Variants in CACNA2D1 observed in about 807,000 individuals in gnomAD.
CACNA2D1 encodes voltage-dependent calcium channel subunit alpha-2/delta-1.
Under a neutral mutation model 171.5 loss-of-function variants are expected in CACNA2D1, and 53 were observed. That is an observed-to-expected ratio of 0.31 (90% CI 0.25 to 0.39). The LOEUF (loss-of-function observed/expected upper bound fraction) is 0.39, where lower values mean the gene tolerates loss of function less well. Ranked by LOEUF, CACNA2D1 falls within the 10% of genes least tolerant of loss-of-function variation. The pLI is 1.00. For missense variants in CACNA2D1, 903 were observed against 1,299.8 expected, an observed-to-expected ratio of 0.69 and a Z score of 4.69; for synonymous variants, 442 against 443.1, an observed-to-expected ratio of 1.00 and a Z score of 0.03.
At chr7:82,111,313 T>TAC (rs1554409505) in intron 6 of CACNA2D1, among the ~76,000 whole-genome samples, 31 of 103,324 alleles carry the variant, frequency 3.0e-4, no homozygotes, top group Middle Eastern at 5.1e-3. Context: ...TATATATATA[T>TAC]ACGTGTATAT....
chr7:82,247,828 A>G (rs1179468247), intron 3 of CACNA2D1, among the ~76,000 whole-genome samples: 2 of 152,236 alleles, frequency 1.3e-5, no homozygotes, highest in African/African-American at 4.8e-5. Context: ...ACTGTACCAC[A>G]AACAAATGTG....
chr7:82,345,595 T>C lies in CACNA2D1; in HGVS notation c.177+3973A>G, dbSNP rs369922887. On this transcript the variant is annotated intron_variant, in intron 2 of 38. Transcript: ENST00000356860. ...CTTTAAAACATTGTTTACAGGAATATTAAGACTATTTAATTTTTAAAAATG... is the reference window on the plus strand; with the variant it reads ...CTTTAAAACATTGTTTACAGGAATACTAAGACTATTTAATTTTTAAAAATG... Among the ~76,000 whole-genome samples the C allele has an allele frequency of 9.2e-4, 140 of 152,230 alleles. 3 individuals carry two copies. The South Asian group carries it at 0.028, about 31-fold the overall frequency.
chr7:82,244,412 T>C (rs540716208), intron 3 of CACNA2D1, among the ~76,000 whole-genome samples: 3 of 152,204 alleles, frequency 2.0e-5, no homozygotes, highest in South Asian at 4.1e-4. Context: ...TCATATTGCA[T>C]TTTAAAATGT....
At chr7:82,400,448 A>G (rs1826253707) in intron 1 of CACNA2D1, among the ~76,000 whole-genome samples, 1 of 152,166 alleles carries the variant, frequency 6.6e-6, no homozygotes, top group Non-Finnish European at 1.5e-5. Flanking sequence ...AAAACAAGCA[A>G]TGGGGAAACG....
intron 6 of CACNA2D1, among the ~76,000 whole-genome samples, chr7:82,085,269 A>G (rs1810314795): frequency 6.6e-6 from 1 of 152,102 alleles, no homozygotes. Flanking sequence ...AGATACTAGT[A>G]CCTCCCCACC....
intron 37 of CACNA2D1, 23 bp from the exon 38 acceptor site, chr7:81,959,380 T>C (rs776871447): frequency 6.6e-7 from 1 of 1,518,480 alleles, no homozygotes; most frequent in African/African-American, 1.4e-5. Context: ...TGTTAAGGAA[T>C]CTCATGTTAG....
intron 38 of CACNA2D1, among the ~76,000 whole-genome samples, chr7:81,956,531 A>C (rs1793372589): frequency 6.6e-6 from 1 of 152,154 alleles, no homozygotes; most frequent in African/African-American, 2.4e-5. Context: ...TTGCCTATAT[A>C]TCAATTTTTA....
intron 3 of CACNA2D1, among the ~76,000 whole-genome samples, chr7:82,251,432 C>A (rs988689668): frequency 6.6e-6 from 1 of 152,064 alleles, no homozygotes; most frequent in South Asian, 2.1e-4. Flanking sequence ...GAATTTCAAA[C>A]TTAAGATTTG....
intron 24 of CACNA2D1, among the ~76,000 whole-genome samples, chr7:81,980,155 GTAAAAC>G (rs1396853059): frequency 6.6e-5 from 3 of 45,390 alleles, no homozygotes; most frequent in Non-Finnish European, 1.2e-4. Flanking sequence ...AAAAAAGAAG[GTAAAAC>G]TAAAACCAAG....
intron 6 of CACNA2D1, among the ~76,000 whole-genome samples, chr7:82,112,001 A>G (rs1330795314): frequency 6.6e-6 from 1 of 152,126 alleles, no homozygotes; most frequent in Non-Finnish European, 1.5e-5. Context: ...TATATCAACT[A>G]CTATAATCAA....
chr7:82,136,978 TG>T, intron 4 of CACNA2D1, among the ~76,000 whole-genome samples: 1 of 152,264 alleles, frequency 6.6e-6, no homozygotes, highest in East Asian at 1.9e-4. Flanking sequence ...ATATATACAC[TG>T]ATATATTAAT....
chr7:82,056,696 TA>T (rs1047342318), intron 10 of CACNA2D1, among the ~76,000 whole-genome samples: 2 of 152,254 alleles, frequency 1.3e-5, no homozygotes, highest in African/African-American at 4.8e-5. Flanking sequence ...CAACTCGATG[TA>T]AAAAATTATT....
At chr7:82,166,346 T>C (rs954824720) in intron 4 of CACNA2D1, among the ~76,000 whole-genome samples, 2 of 152,052 alleles carry the variant, frequency 1.3e-5, no homozygotes, top group African/African-American at 4.8e-5. Flanking sequence ...ACTCTTCAAA[T>C]GTTTTATTTA....
intron 4 of CACNA2D1, among the ~76,000 whole-genome samples, chr7:82,153,667 G>C (rs749788182): frequency 4.6e-5 from 7 of 152,020 alleles, no homozygotes; most frequent in Admixed American, 2.0e-4. Flanking sequence ...AGCTTCGTAT[G>C]ACTACTTCTT....
In CACNA2D1 at chr7:82,286,849, T is replaced by C. The variant is rs567694430; in HGVS notation, c.294+48286A>G. Among the ~76,000 whole-genome samples the C allele has an allele frequency of 1.1e-4, 17 of 152,218 alleles. No homozygotes were observed. In the South Asian group the frequency reaches 3.3e-3, roughly 30 times the overall value. On this transcript the variant is annotated intron_variant, in intron 3 of 38. Coordinates refer to ENST00000356860, the MANE Select transcript of CACNA2D1 (RefSeq NM_000722.4). ...GCCTATTTAAGTGTGTGGAGATTTT[T>C]CCCCCCATTTACAAAGATGAAATAG... is the stretch of plus-strand genomic sequence containing the variant.
At chr7:82,382,540 G>A (rs574425932) in intron 1 of CACNA2D1, among the ~76,000 whole-genome samples, 55 of 152,310 alleles carry the variant, frequency 3.6e-4, no homozygotes, top group African/African-American at 1.3e-3. Context: ...CCCATTCACA[G>A]AGACTATTCA....
intron 3 of CACNA2D1, among the ~76,000 whole-genome samples, chr7:82,315,526 C>A (rs1815012001): frequency 6.8e-6 from 1 of 148,148 alleles, no homozygotes; most frequent in Non-Finnish European, 1.5e-5. Context: ...TTTCATATTG[C>A]ATCAAAAATT....
intron 3 of CACNA2D1, among the ~76,000 whole-genome samples, chr7:82,291,650 CATAT>C (rs201952147): frequency 2.3e-5 from 3 of 132,912 alleles, no homozygotes; most frequent in Non-Finnish European, 4.7e-5. Flanking sequence ...TGTGTGTGTG[CATAT>C]ATATATATTT....
At chr7:82,303,450 A>AC (rs1430155535) in intron 3 of CACNA2D1, among the ~76,000 whole-genome samples, 3 of 144,814 alleles carry the variant, frequency 2.1e-5, no homozygotes, top group Non-Finnish European at 4.6e-5. Context: ...TGTGTATGTA[A>AC]CTAAAAAAAA....
Sources: gnomAD v4.1 joint callset for allele counts (sites outside exome capture counted in the v4.1 genomes callset) on GRCh38, gnomAD v4.1.1 for gene constraint, MANE v1.5 for transcripts, NCBI Gene and HGNC (gene_info 2026-07-23, HGNC 2026-07-21) for gene names.